BCL2L14: variants seen among roughly 807,000 people sequenced by gnomAD.
BCL2L14 encodes BCL2 like 14.
A neutral mutation model predicts 35.3 loss-of-function variants in BCL2L14; 27 were observed. The observed-to-expected ratio is 0.76, with a 90% CI of 0.56 to 1.05. The LOEUF is 1.05. Ranked by LOEUF, BCL2L14 falls within the 50% of genes least tolerant of loss-of-function variation. The pLI is 0.00. For synonymous variants in BCL2L14, 139 were observed against 145.9 expected (o/e 0.95, Z 0.34); for missense variants, 377 against 382.6 (o/e 0.99, Z 0.12).
rs917675728 is a variant in BCL2L14, at chr12:12,059,694, C to T, written c.-272+7847C>T. Reference sequence around the variant, plus strand: ...GGCAAGCTTCCACCTTCCATTCCTCCTTCTTCTTCCTTAGCCTGTGTTCTT... The same window carrying T: ...GGCAAGCTTCCACCTTCCATTCCTCTTTCTTCTTCCTTAGCCTGTGTTCTT... On this transcript the variant is annotated intron_variant, in intron 2 of 3. Coordinates refer to the BCL2L14 transcript ENST00000461264. Among the ~76,000 whole-genome samples the T allele has an allele frequency of 4.5e-4, 69 of 152,040 alleles. 1 individual carries two copies. The highest frequency in any genetic ancestry group is 7.4e-5 in the Non-Finnish European group (5 of 68,016).
intron 5 of BCL2L14, chr12:12,095,857 T>G (rs1591840036): frequency 1.0e-6 from 1 of 985,456 alleles, no homozygotes; most frequent in East Asian, 1.1e-4. Context: ...CTTCAGTTTC[T>G]GTACATTGAG....
At chr12:12,090,952 C>T in intron 4 of BCL2L14, 103 bp downstream of exon 4, 1 of 781,876 alleles carries the variant, frequency 1.3e-6, no homozygotes, top group Non-Finnish European at 1.9e-6. Context: ...CTTTCTAAGT[C>T]CTGGTTTCTA....
At chr12:12,068,736 G>T (rs1024147919), upstream of BCL2L14, among the ~76,000 whole-genome samples, 2 of 152,076 alleles carry the variant, frequency 1.3e-5, no homozygotes, top group Non-Finnish European at 2.9e-5. Flanking sequence ...AGTCTGGGAG[G>T]CCACATGGGT....
intron 2 of BCL2L14, among the ~76,000 whole-genome samples, chr12:12,056,824 GA>G (rs1193836408): frequency 1.3e-5 from 2 of 152,102 alleles, no homozygotes; most frequent in African/African-American, 4.8e-5. Context: ...CGACAAGAGC[GA>G]AACTCCATCT....
chr12:12,075,946 A>G (rs531621965), intron 1 of BCL2L14, among the ~76,000 whole-genome samples: 32 of 151,792 alleles, frequency 2.1e-4, no homozygotes, highest in Admixed American at 1.8e-3. Flanking sequence ...TTCGGATCCA[A>G]TGTTTTTGGA....
chr12:12,073,354 C>T (rs1445055613), intron 1 of BCL2L14, among the ~76,000 whole-genome samples: 1 of 152,168 alleles, frequency 6.6e-6, no homozygotes, highest in Non-Finnish European at 1.5e-5. Context: ...CTCTCTCATT[C>T]TTAGCTTTGC....
chr12:12,078,865 C>T (rs1255132020), intron 1 of BCL2L14, among the ~76,000 whole-genome samples: 1 of 152,188 alleles, frequency 6.6e-6, no homozygotes, highest in Admixed American at 6.5e-5. Context: ...GGCGCAATCT[C>T]AGCTCACTAC....
chr12:12,054,044 A>G (rs1051250149), intron 2 of BCL2L14, among the ~76,000 whole-genome samples: 76 of 152,188 alleles, frequency 5.0e-4, no homozygotes, highest in African/African-American at 1.6e-3. Context: ...AACAGTTGAC[A>G]GTTATGGGGG....
chr12:12,088,243 G>A (rs973613559), intron 3 of BCL2L14, among the ~76,000 whole-genome samples: 2 of 152,164 alleles, frequency 1.3e-5, no homozygotes, highest in African/African-American at 2.4e-5. Context: ...TCTGGCCTGC[G>A]ACAGAGTGCA....
intron 2 of BCL2L14, among the ~76,000 whole-genome samples, chr12:12,086,479 T>C (rs1471548159): frequency 2.0e-5 from 3 of 152,240 alleles, no homozygotes; most frequent in African/African-American, 4.8e-5. Context: ...CAACACTCAC[T>C]GGGCCAATGC....
chr12:12,054,039 T>C (rs1048550567), intron 2 of BCL2L14, among the ~76,000 whole-genome samples: 1 of 152,200 alleles, frequency 6.6e-6, no homozygotes, highest in African/African-American at 2.4e-5. Flanking sequence ...ACAAAAACAG[T>C]TGACAGTTAT....
chr12:12,075,501 C>A (rs1205562504), intron 1 of BCL2L14, among the ~76,000 whole-genome samples: 1 of 151,916 alleles, frequency 6.6e-6, no homozygotes, highest in East Asian at 1.9e-4. Context: ...TCTCGGCTCA[C>A]TGCAACCTCC....
At chr12:12,079,155 T>C in intron 1 of BCL2L14, 144 bp from the exon 2 acceptor site, 3 of 683,510 alleles carry the variant, frequency 4.4e-6, no homozygotes, top group South Asian at 3.8e-5. Context: ...CTAGTAAGAC[T>C]GTGGCTTTTC....
intron 2 of BCL2L14, among the ~76,000 whole-genome samples, chr12:12,081,030 C>CA (rs1420543665): frequency 1.3e-5 from 2 of 151,804 alleles, no homozygotes; most frequent in Admixed American, 1.3e-4. Context: ...CCAAAAAATA[C>CA]AAAAAAATTA....
intron 2 of BCL2L14, chr12:12,055,224 GA>G (rs1336527906): frequency 6.6e-6 from 1 of 152,138 alleles, no homozygotes; most frequent in Non-Finnish European, 1.5e-5. Context: ...ACATACGTGG[GA>G]AACCATCTGA....
chr12:12,076,410 A>G (rs1948782525), intron 1 of BCL2L14, among the ~76,000 whole-genome samples: 1 of 152,182 alleles, frequency 6.6e-6, no homozygotes, highest in African/African-American at 2.4e-5. Flanking sequence ...GCCCTGGAAT[A>G]AGACAGGAAT....
chr12:12,091,900 G>T (rs746097876), intron 4 of BCL2L14, among the ~76,000 whole-genome samples: 2 of 152,152 alleles, frequency 1.3e-5, no homozygotes, highest in Non-Finnish European at 2.9e-5. Flanking sequence ...CTAGTATGGG[G>T]TGATTGATTT....
At chr12:12,077,026 T>C (rs757853385) in intron 1 of BCL2L14, among the ~76,000 whole-genome samples, 35 of 152,180 alleles carry the variant, frequency 2.3e-4, no homozygotes, top group Non-Finnish European at 4.4e-4. Flanking sequence ...AACTTGTCTG[T>C]ACCACCTCAC....
chr12:12,087,334 T>C lies in BCL2L14; in HGVS notation c.555T>C (p.Gly185=). 6.2e-7 allele frequency: 1 copy of C among 1,614,120 alleles called. No individual in the cohort carries two copies. The stretch of plus-strand genomic sequence containing the variant: ...CCAAAGAGATTTTTGTAACTGAGGG[T>C]CTCTCCTTCCAGCTCCAAGGCCACG... The part of the protein sequence containing the change: ...FKSKEIFVTE[G]LSFQLQGHVP... Residue 185 remains glycine, a synonymous_variant, in exon 3 of 6, where the codon GGT becomes GGC. Coordinates refer to ENST00000308721, the MANE Select transcript of BCL2L14 (RefSeq NM_138723.2).
Sources: allele counts gnomAD v4.1 joint callset (sites outside exome capture counted in the v4.1 genomes callset), GRCh38; gene constraint gnomAD v4.1.1; transcripts MANE v1.5; gene names NCBI Gene and HGNC (gene_info 2026-07-23, HGNC 2026-07-21).